The following SLC14A2 variants were observed in gnomAD, a reference collection of about 807,000 sequenced individuals.
SLC14A2 encodes the protein solute carrier family 14 member 2.
A neutral mutation model predicts 104.6 loss-of-function variants in SLC14A2; 91 were observed. The ratio of observed to expected loss-of-function variants is 0.87; its 90% CI spans 0.73 to 1.04. SLC14A2 has a LOEUF of 1.04. SLC14A2 is among the 50% of genes least tolerant of loss of function. SLC14A2 has a pLI of 0.00. For missense variants in SLC14A2, 1,189 were observed against 1,156.0 expected (o/e 1.03, Z -0.41); for synonymous variants, 476 against 466.4 (o/e 1.02, Z -0.27).
chr18:45,250,752 T>TGAC (rs1337664180), intron 1 of SLC14A2, among the ~76,000 whole-genome samples: 1 of 137,108 alleles, frequency 7.3e-6, no homozygotes, highest in Admixed American at 7.3e-5. Context: ...TAGTGGCTTC[T>TGAC]TCCTTTTTTT....
At chr18:45,314,963 GC>G (rs2085114413) in intron 1 of SLC14A2, among the ~76,000 whole-genome samples, 1 of 152,218 alleles carries the variant, frequency 6.6e-6, no homozygotes, top group Admixed American at 6.5e-5. Context: ...GCATGTGGTA[GC>G]TGACTACCTG....
chr18:45,453,649 A>G (rs1050929206), intron 1 of SLC14A2, among the ~76,000 whole-genome samples: 6 of 151,972 alleles, frequency 3.9e-5, no homozygotes, highest in Non-Finnish European at 8.8e-5. Context: ...ATTCTTGAGT[A>G]TTTTTGTGAT....
chr18:45,476,517 A>T lies in SLC14A2; in HGVS notation c.-124-6716A>T, dbSNP rs141720665. 7.8e-3 allele frequency among the ~76,000 whole-genome samples: 1,184 copies of T among 152,194 alleles called. 21 individuals are homozygous for T. The highest frequency in any genetic ancestry group is 0.027 in the African/African-American group (1,105 of 41,520). ...CATTTTCAGTATTTCCTGAATTTGA[A>T]TGTTGGCCTGCCTTGCGAGGCTGGG... On this transcript the variant is annotated intron_variant, in intron 1 of 20. Coordinates refer to the SLC14A2 transcript ENST00000586448.
At chr18:45,320,867 T>C (rs1189513392) in intron 1 of SLC14A2, among the ~76,000 whole-genome samples, 2 of 152,178 alleles carry the variant, frequency 1.3e-5, no homozygotes, top group East Asian at 3.8e-4. Context: ...AAAACTGCCT[T>C]CTCATCTAAA....
chr18:45,607,287 G>A (rs962475347), intron 2 of SLC14A2, among the ~76,000 whole-genome samples: 2 of 152,100 alleles, frequency 1.3e-5, no homozygotes, highest in Non-Finnish European at 2.9e-5. Flanking sequence ...CAACCAATAG[G>A]AAACTAACTT....
chr18:45,307,440 A>T (rs2085034981), intron 1 of SLC14A2, among the ~76,000 whole-genome samples: 1 of 151,238 alleles, frequency 6.6e-6, no homozygotes, highest in African/African-American at 2.4e-5. Context: ...AAAAAACCAA[A>T]AAACCAAAAA....
chr18:45,168,617 T>G, the SLC14A2 span: 4 of 152,298 alleles, frequency 2.6e-5, no homozygotes, highest in East Asian at 5.8e-4. Context: ...ACATGAGCCT[T>G]TATATCTTGG....
At chr18:45,348,195 C>A (rs9962356) in intron 1 of SLC14A2, among the ~76,000 whole-genome samples, 3,017 of 152,298 alleles carry the variant, frequency 0.02, 95 homozygotes, top group African/African-American at 0.069. Context: ...AAGCCCAGAG[C>A]GGGTAGTACG....
chr18:45,425,879 GA>G (rs2086417848), intron 1 of SLC14A2, among the ~76,000 whole-genome samples: 1 of 151,738 alleles, frequency 6.6e-6, no homozygotes, highest in Admixed American at 6.6e-5. Flanking sequence ...TTTTTAAAGG[GA>G]GGGGGTGGAT....
chr18:45,425,629 C>A (rs1357710026), intron 1 of SLC14A2, among the ~76,000 whole-genome samples: 2 of 152,172 alleles, frequency 1.3e-5, no homozygotes, highest in Non-Finnish European at 2.9e-5. Flanking sequence ...TGCTGAGATT[C>A]ACTCTGCTGC....
intron 5 of SLC14A2, chr18:45,634,743 G>A: frequency 4.4e-6 from 2 of 449,782 alleles, no homozygotes; most frequent in Non-Finnish European, 9.0e-6. Flanking sequence ...TATCAGCTGT[G>A]ATAGAAAGCA....
chr18:45,253,604 C>A (rs2084445849), intron 1 of SLC14A2, among the ~76,000 whole-genome samples: 1 of 151,766 alleles, frequency 6.6e-6, no homozygotes, highest in South Asian at 2.1e-4. Flanking sequence ...CCATCAGCAG[C>A]TGTTAGGAGG....
intron 1 of SLC14A2, among the ~76,000 whole-genome samples, chr18:45,338,700 A>AAAACAAAC (rs1156800913): frequency 2.2e-5 from 3 of 134,900 alleles, no homozygotes; most frequent in Admixed American, 7.4e-5. Context: ...AAAAAAAAAA[A>AAAACAAAC]AAAAAAAAAA....
chr18:45,557,759 T>C (rs900179018), intron 2 of SLC14A2, among the ~76,000 whole-genome samples: 5 of 152,192 alleles, frequency 3.3e-5, no homozygotes, highest in Non-Finnish European at 7.3e-5. Flanking sequence ...TGCTTTCTCA[T>C]TGTCCTTGCA....
chr18:45,450,228 A>T (rs2086836428), intron 1 of SLC14A2, among the ~76,000 whole-genome samples: 1 of 152,190 alleles, frequency 6.6e-6, no homozygotes. Flanking sequence ...CAAACTGCTG[A>T]TCTAGCCTCA....
chr18:45,285,032 A>G (rs1289590112), intron 1 of SLC14A2, among the ~76,000 whole-genome samples: 1 of 150,556 alleles, frequency 6.6e-6, no homozygotes, highest in Non-Finnish European at 1.5e-5. Flanking sequence ...GGTTTGCACA[A>G]AAAAAAAAAA....
intron 7 of SLC14A2, 143 bp downstream of exon 7, chr18:45,640,036 G>A (rs1299529483): frequency 2.1e-5 from 16 of 773,482 alleles, no homozygotes; most frequent in Middle Eastern, 5.1e-4. Context: ...ACTTATGCCT[G>A]TAATCCCAGC....
At chr18:45,626,863 C>T (rs1440157827) in intron 3 of SLC14A2, 95 bp from the exon 4 acceptor site, 2 of 766,188 alleles carry the variant, frequency 2.6e-6, no homozygotes, top group Non-Finnish European at 4.0e-6. Context: ...TCCTGGCTTG[C>T]ACATTCCTGT....
intron 19 of SLC14A2, among the ~76,000 whole-genome samples, chr18:45,682,083 C>CA (rs2046317632): frequency 6.6e-6 from 1 of 152,214 alleles, no homozygotes; most frequent in Non-Finnish European, 1.5e-5. Context: ...TACATAAGGG[C>CA]ATATTAGCCC....
Sources: gnomAD v4.1 joint callset for allele counts (sites outside exome capture counted in the v4.1 genomes callset) on GRCh38, gnomAD v4.1.1 for gene constraint, MANE v1.5 for transcripts, NCBI Gene and HGNC (gene_info 2026-07-23, HGNC 2026-07-21) for gene names.